IMMP2L: variants seen among roughly 807,000 people sequenced by gnomAD.
IMMP2L encodes mitochondrial inner membrane protease subunit 2.
IMMP2L carries 18 observed loss-of-function variants against 19.3 expected under a neutral mutation model. The ratio of observed to expected loss-of-function variants is 0.93; its 90% CI spans 0.64 to 1.38. IMMP2L has a LOEUF of 1.38. Among genes scored for constraint, IMMP2L ranks in the 40% most tolerant of loss-of-function variants. IMMP2L has a pLI of 0.00. For synonymous variants in IMMP2L, 76 were observed against 73.0 expected (o/e 1.04, Z -0.21); for missense variants, 233 against 218.2 (o/e 1.07, Z -0.43).
intron 3 of IMMP2L, among the ~76,000 whole-genome samples, chr7:110,966,029 AT>A (rs1317915800): frequency 1.4e-4 from 22 of 152,054 alleles, no homozygotes; most frequent in Admixed American, 1.4e-3. Context: ...AAAGAAAAAA[AT>A]TCAACAAGAG....
chr7:111,290,798 C>G (rs1821007217), intron 3 of IMMP2L, among the ~76,000 whole-genome samples: 1 of 130,790 alleles, frequency 7.6e-6, no homozygotes, highest in African/African-American at 2.9e-5. Context: ...CTCTCTTTCT[C>G]TCTCTCTCTC....
chr7:111,119,903 A>T (rs972217934), intron 3 of IMMP2L, among the ~76,000 whole-genome samples: 1 of 152,120 alleles, frequency 6.6e-6, no homozygotes, highest in African/African-American at 2.4e-5. Flanking sequence ...GTACATGTGG[A>T]GGGAGGGGTT....
At chr7:111,076,030 T>A (rs1386699358) in intron 3 of IMMP2L, among the ~76,000 whole-genome samples, 1 of 152,194 alleles carries the variant, frequency 6.6e-6, no homozygotes, top group Non-Finnish European at 1.5e-5. Flanking sequence ...GTCTAATAGT[T>A]TCATAGATCC....
At chr7:110,759,714 A>G (rs1297982858) in intron 5 of IMMP2L, among the ~76,000 whole-genome samples, 3 of 152,146 alleles carry the variant, frequency 2.0e-5, no homozygotes, top group Non-Finnish European at 4.4e-5. Flanking sequence ...TCCTTAAGAA[A>G]GTATATACAT....
chr7:110,723,200 T>C (rs1795683651), intron 5 of IMMP2L, among the ~76,000 whole-genome samples: 1 of 152,164 alleles, frequency 6.6e-6, no homozygotes, highest in African/African-American at 2.4e-5. Context: ...TGCCAAATTG[T>C]ATTATGATTG....
rs897029342 is a variant in IMMP2L, at chr7:110,899,972, C to A, written c.306-13277G>T. Among the ~76,000 whole-genome samples, 3 of 152,142 alleles carry A rather than the reference C, an allele frequency of 2.0e-5. No homozygotes were observed. The South Asian group carries it at 6.2e-4, about 32-fold the overall frequency. ...GAAATATGCTCAATTATAAGCCTGA[C>A]TTTTTCTTTATGAAAGAGAAAAATC... On this transcript the variant is annotated intron_variant, in intron 4 of 5. Transcript: ENST00000405709.
chr7:110,669,210 T>G (rs960377239), intron 5 of IMMP2L, among the ~76,000 whole-genome samples: 1 of 152,228 alleles, frequency 6.6e-6, no homozygotes, highest in Admixed American at 6.5e-5. Context: ...GTCAGCCGAC[T>G]GGAGACCCAG....
intron 3 of IMMP2L, among the ~76,000 whole-genome samples, chr7:111,078,252 T>C (rs1795578818): frequency 6.6e-6 from 1 of 152,220 alleles, no homozygotes; most frequent in East Asian, 1.9e-4. Context: ...AATGAAAAAA[T>C]AAATGCTGGC....
chr7:111,487,884 T>A (rs1842784894), intron 2 of IMMP2L, among the ~76,000 whole-genome samples: 3 of 152,170 alleles, frequency 2.0e-5, no homozygotes, highest in Non-Finnish European at 4.4e-5. Context: ...AGAGCACATA[T>A]CCTAAGGGTC....
chr7:111,141,801 A>G (rs1267914937), intron 3 of IMMP2L, among the ~76,000 whole-genome samples: 1 of 152,168 alleles, frequency 6.6e-6, no homozygotes, highest in Admixed American at 6.5e-5. Flanking sequence ...GCTGGGCTAA[A>G]GTGATCCTCC....
At chr7:110,846,479 T>A (rs892728686) in intron 5 of IMMP2L, among the ~76,000 whole-genome samples, 1 of 151,598 alleles carries the variant, frequency 6.6e-6, no homozygotes, top group Non-Finnish European at 1.5e-5. Flanking sequence ...AATTCTCCTG[T>A]CTTAGCCTCC....
At chr7:111,445,310 G>A (rs1838220726) in intron 3 of IMMP2L, among the ~76,000 whole-genome samples, 2 of 151,938 alleles carry the variant, frequency 1.3e-5, no homozygotes, top group South Asian at 4.2e-4. Context: ...CTCAGCTTAA[G>A]TGAGGACCAG....
intron 3 of IMMP2L, among the ~76,000 whole-genome samples, chr7:111,342,139 A>G (rs1216405319): frequency 6.6e-6 from 1 of 152,218 alleles, no homozygotes; most frequent in Non-Finnish European, 1.5e-5. Context: ...GAGAGATTTG[A>G]TACTGGATTG....
intron 4 of IMMP2L, among the ~76,000 whole-genome samples, chr7:110,946,533 C>T (rs1189821056): frequency 6.6e-6 from 1 of 151,988 alleles, no homozygotes; most frequent in African/African-American, 2.4e-5. Context: ...TTCTAGAGTT[C>T]TACTTCAGGG....
At chr7:111,137,099 T>G (rs1433467005) in intron 3 of IMMP2L, among the ~76,000 whole-genome samples, 2 of 152,132 alleles carry the variant, frequency 1.3e-5, no homozygotes, top group East Asian at 3.9e-4. Flanking sequence ...CGATATATAG[T>G]CTTCGTCATG....
chr7:111,391,523 G>T (rs1279781685), intron 3 of IMMP2L, among the ~76,000 whole-genome samples: 1 of 152,210 alleles, frequency 6.6e-6, no homozygotes, highest in Non-Finnish European at 1.5e-5. Context: ...CTAAAACTAT[G>T]AACAAATTAG....
intron 3 of IMMP2L, among the ~76,000 whole-genome samples, chr7:111,404,990 G>A (rs1458233382): frequency 1.3e-5 from 2 of 152,090 alleles, no homozygotes; most frequent in East Asian, 1.9e-4. Context: ...TACACCAGGT[G>A]TAGATTGCTA....
chr7:111,556,216 G>T (rs1349440599), intron 1 of IMMP2L, among the ~76,000 whole-genome samples: 1 of 151,312 alleles, frequency 6.6e-6, no homozygotes, highest in Non-Finnish European at 1.5e-5. Flanking sequence ...CATGTATAAT[G>T]AAAGAGTTTG....
intron 5 of IMMP2L, among the ~76,000 whole-genome samples, chr7:110,861,924 T>C (rs555523599): frequency 6.6e-6 from 1 of 152,220 alleles, no homozygotes; most frequent in South Asian, 2.1e-4. Flanking sequence ...TGGGAAAACA[T>C]ATTAATTCCA....
Sources: allele counts gnomAD v4.1 joint callset (sites outside exome capture counted in the v4.1 genomes callset), GRCh38; gene constraint gnomAD v4.1.1; transcripts MANE v1.5; gene names NCBI Gene and HGNC (gene_info 2026-07-23, HGNC 2026-07-21).